LTBP2: variants seen among roughly 807,000 people sequenced by gnomAD.
LTBP2 encodes the protein latent-transforming growth factor beta-binding protein 2.
LTBP2 carries 103 observed loss-of-function variants against 210.6 expected under a neutral mutation model. The ratio of observed to expected loss-of-function variants is 0.49; its 90% CI spans 0.42 to 0.58. LTBP2 has a LOEUF of 0.58. LTBP2 is among the 20% of genes least tolerant of loss of function. LTBP2 has a pLI of 0.00. For synonymous variants in LTBP2, 1,007 were observed against 1,015.0 expected, an observed-to-expected ratio of 0.99 and a Z score of 0.15; for missense variants, 2,313 against 2,494.5, an observed-to-expected ratio of 0.93 and a Z score of 1.55.
At position 74,611,741 on chromosome 14, in the gene LTBP2, C is replaced by A; in HGVS notation, c.204G>T (p.Val68=). The A allele has an allele frequency of 6.2e-7, 1 of 1,604,614 alleles. No individual in the cohort carries two copies. Among genetic ancestry groups the A allele is most frequent in the Non-Finnish European group, 8.5e-7 (1 of 1,178,908 alleles). The change falls in exon 1 of 36, where the codon GTG becomes GTT. Residue 68 remains valine (V), a synonymous_variant. Coordinates refer to ENST00000261978, the MANE Select transcript of LTBP2 (RefSeq NM_000428.3). ...CGTCCTGCTCCCGGAACAGACTGTA[C>A]ACCTTGGCTGCAGCCGCTGCCGGGT... ...GSYPAAAAAK[V]YSLFREQDAP...
intron 18 of LTBP2, 146 bp downstream of exon 18, chr14:74,516,676 T>C (rs1443252655): frequency 8.3e-6 from 9 of 1,088,908 alleles, no homozygotes; most frequent in Non-Finnish European, 8.1e-6. Flanking sequence ...GGAATTCTCA[T>C]AGGTGTCTCT....
chr14:74,589,633 G>C (rs942198308), intron 2 of LTBP2, among the ~76,000 whole-genome samples: 3 of 152,136 alleles, frequency 2.0e-5, no homozygotes, highest in African/African-American at 7.2e-5. Flanking sequence ...CCCTCCATCT[G>C]CCCAAGCATA....
At chr14:74,576,966 C>T (rs1264742656) in intron 3 of LTBP2, among the ~76,000 whole-genome samples, 1 of 151,964 alleles carries the variant, frequency 6.6e-6, no homozygotes, top group Non-Finnish European at 1.5e-5. Flanking sequence ...GAGAATTAAC[C>T]CTCTCATTTT....
Position 74,501,571 on chromosome 14 carries a change from T to C in LTBP2, c.5190A>G (p.Glu1730=), listed in dbSNP as rs767256407. 6.2e-7 allele frequency: 1 copy of C among 1,614,030 alleles called. No individual in the cohort carries two copies. The highest frequency in any genetic ancestry group is 8.5e-7 in the Non-Finnish European group (1 of 1,180,022). Residue 1730 remains glutamate, a synonymous_variant, in exon 35 of 36, where the codon GAA becomes GAG. Coordinates refer to ENST00000261978, the MANE Select transcript of LTBP2 (RefSeq NM_000428.3). ...TGCCGCACTCCTCCGCCTGAAGCCC[T>C]TCGAAGCCGGCTGGGGGCTCTGGGA... ...ASHPEPPAGF[E]GLQAEECGIL...
chr14:74,608,223 A>T (rs1343937296), intron 1 of LTBP2, among the ~76,000 whole-genome samples: 2 of 152,124 alleles, frequency 1.3e-5, no homozygotes, highest in Non-Finnish European at 2.9e-5. Context: ...CCCGGCCAAA[A>T]CTAGACTATG....
At chr14:74,610,620 C>A (rs539177018) in intron 1 of LTBP2, among the ~76,000 whole-genome samples, 1 of 152,360 alleles carries the variant, frequency 6.6e-6, no homozygotes, top group South Asian at 2.1e-4. Flanking sequence ...CAAGGCGGAG[C>A]GTGCCCGCAG....
At chr14:74,505,791 G>A (rs540622763) in intron 28 of LTBP2, among the ~76,000 whole-genome samples, 1 of 152,220 alleles carries the variant, frequency 6.6e-6, no homozygotes, top group African/African-American at 2.4e-5. Context: ...CGGTCCCTGG[G>A]GCCACCCTAA....
chr14:74,504,645 C>T (rs960190379), intron 30 of LTBP2, 133 bp downstream of exon 30: 3 of 826,274 alleles, frequency 3.6e-6, no homozygotes, highest in Admixed American at 1.9e-5. Flanking sequence ...AGGGAGTCAG[C>T]CCTGGGACAG....
At chr14:74,516,745 T>C (rs541241774) in intron 18 of LTBP2, 77 bp downstream of exon 18, 61 of 1,528,632 alleles carry the variant, frequency 4.0e-5, no homozygotes, top group Non-Finnish European at 4.8e-5. Flanking sequence ...AGAAGGCGTG[T>C]TGGTGGTGGG....
At chr14:74,546,046 A>G (rs916147391) in intron 8 of LTBP2, among the ~76,000 whole-genome samples, 1 of 152,220 alleles carries the variant, frequency 6.6e-6, no homozygotes. Flanking sequence ...CTTCTTCAAC[A>G]GTCCAGCACA....
Position 74,528,526 on chromosome 14 carries a change from G to T in LTBP2, c.2325C>A (p.Val775=). The change falls in exon 12 of 36, where the codon GTC becomes GTA. Residue 775 remains valine (V), a synonymous_variant. Transcript: ENST00000261978. ...PGPAERQPLR[V]VTDTWLEAGT... Reference sequence around the variant, plus strand: ...CGGCCTCAAGCCAGGTGTCCGTGACGACCCGGAGGGGCTGCCTCTCTGCTG... The same window carrying T: ...CGGCCTCAAGCCAGGTGTCCGTGACTACCCGGAGGGGCTGCCTCTCTGCTG... 3 of 1,612,386 alleles carry T rather than the reference G, an allele frequency of 1.9e-6. No homozygotes were observed. Among genetic ancestry groups the T allele is most frequent in the Non-Finnish European group, 2.5e-6 (3 of 1,180,026 alleles).
chr14:74,575,722 C>T (rs4903242), intron 3 of LTBP2, among the ~76,000 whole-genome samples: 56,027 of 152,110 alleles, frequency 0.37, 13,277 homozygotes, highest in Non-Finnish European at 0.53. Context: ...CTAGAACCTA[C>T]CCTCTGCAAC....
chr14:74,586,679 G>A lies in LTBP2; in HGVS notation c.566-561C>T, dbSNP rs927819903. ...GAGCCTCTATTTGCGCCTAAATCAC[G>A]GGAGGGGTGAACTAAGGAGGCTGGA... On this transcript the variant is annotated intron_variant, in intron 2 of 35. Transcript: ENST00000261978. This position sits in a 1 kb window ranked among gnomAD's most constrained non-coding sequence, Gnocchi z 4.6. Among the ~76,000 whole-genome samples, 2 of 152,126 alleles carry A rather than the reference G, an allele frequency of 1.3e-5. No homozygotes were observed. The highest frequency in any genetic ancestry group is 6.5e-5 in the Admixed American group (1 of 15,268).
At chr14:74,509,520 CT>C (rs2087041303) in intron 21 of LTBP2, among the ~76,000 whole-genome samples, 157 bp from the exon 22 acceptor site, 1 of 152,194 alleles carries the variant, frequency 6.6e-6, no homozygotes, top group Non-Finnish European at 1.5e-5. Flanking sequence ...CAGCTTCCCT[CT>C]TCTCTGGGAC....
At chr14:74,532,128 A>G (rs1307726755) in intron 10 of LTBP2, among the ~76,000 whole-genome samples, 1 of 152,208 alleles carries the variant, frequency 6.6e-6, no homozygotes, top group East Asian at 1.9e-4. Flanking sequence ...TACACATGGA[A>G]CAGAAATGAT....
rs566257047 is a variant in LTBP2 at position 74,603,551 on chromosome 14, G to T, written c.565+84C>A. 43 of 1,430,220 alleles carry T rather than the reference G, an allele frequency of 3.0e-5. No individual in the cohort carries two copies. The African/African-American group carries it at 5.3e-4, about 18-fold the overall frequency. The allele number at this position is 1,430,220 out of a possible 1,614,324, so 88.6% of individuals were successfully genotyped here. A position where few individuals can be genotyped will look rare whatever the true frequency, so the allele number is the denominator to read the frequency against. ...CTGCTCCAGGTTCTGGAGTACCTAAGCTTGACCTGCCCTGGGAGTAGGGTG... is the reference window on the plus strand; with the variant it reads ...CTGCTCCAGGTTCTGGAGTACCTAATCTTGACCTGCCCTGGGAGTAGGGTG... On this transcript the variant is annotated intron_variant, in intron 2 of 35. Coordinates refer to ENST00000261978, the MANE Select transcript of LTBP2 (RefSeq NM_000428.3).
At chr14:74,581,000 C>T (rs1227880874) in intron 3 of LTBP2, among the ~76,000 whole-genome samples, 2 of 152,162 alleles carry the variant, frequency 1.3e-5, no homozygotes, top group African/African-American at 2.4e-5. Context: ...AGGGGGATAG[C>T]AAGTGCCAAG....
At position 74,507,317 on chromosome 14, in the gene LTBP2, C is replaced by T; in HGVS notation, c.3776-7G>A. The T allele has an allele frequency of 6.2e-7, 1 of 1,613,918 alleles. No homozygotes were observed. Among genetic ancestry groups the T allele is most frequent in the Non-Finnish European group, 8.5e-7 (1 of 1,179,836 alleles). On this transcript the variant is annotated splice_polypyrimidine_tract_variant and splice_region_variant and intron_variant, in intron 25 of 35. Coordinates refer to ENST00000261978, the MANE Select transcript of LTBP2 (RefSeq NM_000428.3). ...TCCTCACACTCGTCAATATCTGTCCCCAGAGCCATGCCATGAGAGAGGACA... is the reference window on the plus strand; with the variant it reads ...TCCTCACACTCGTCAATATCTGTCCTCAGAGCCATGCCATGAGAGAGGACA...
chr14:74,549,490 G>A (rs1432874822), intron 8 of LTBP2, among the ~76,000 whole-genome samples: 1 of 152,202 alleles, frequency 6.6e-6, no homozygotes, highest in African/African-American at 2.4e-5. Flanking sequence ...GAGGCCTGGG[G>A]GCCCCATCAG....
Sources: gnomAD v4.1 joint callset for allele counts (sites outside exome capture counted in the v4.1 genomes callset) on GRCh38, gnomAD v4.1.1 for gene constraint, Gnocchi (gnomAD v3.1) non-coding constraint, MANE v1.5 for transcripts, NCBI Gene and HGNC (gene_info 2026-07-23, HGNC 2026-07-21) for gene names.